The following NTN4 variants were observed in gnomAD, a reference collection of about 807,000 sequenced individuals.
NTN4 encodes netrin 4.
In NTN4, 32 loss-of-function variants were observed where a neutral mutation model predicts 73.6. That is an observed-to-expected ratio of 0.44 (90% CI 0.33 to 0.58). NTN4 has a LOEUF of 0.58. NTN4 is among the 20% of genes least tolerant of loss of function. The pLI, the probability that NTN4 is intolerant of heterozygous loss-of-function variation, is 0.04. For synonymous variants in NTN4, 258 were observed against 287.5 expected, an observed-to-expected ratio of 0.90 and a Z score of 1.04; for missense variants, 654 against 798.3, an observed-to-expected ratio of 0.82 and a Z score of 2.18.
intron 5 of NTN4, 136 bp downstream of exon 5, chr12:95,710,305 G>T: frequency 1.6e-6 from 1 of 632,398 alleles, no homozygotes; most frequent in Non-Finnish European, 2.6e-6. Context: ...TATCAATGAA[G>T]AAATTAACCG....
Position 95,789,425 on chromosome 12 carries a change from C to T in NTN4, c.55+830G>A, listed in dbSNP as rs994917786. On this transcript the variant is annotated intron_variant, in intron 1 of 9. Transcript: ENST00000343702. The surrounding 1 kb of genome is among the most constrained non-coding windows in gnomAD (Gnocchi z 4.0). ...CCCCTCACCTACAGGGCTGCGCTTACGCCTAACTGGAAACCAGGTGACCCG... is the reference window on the plus strand; with the variant it reads ...CCCCTCACCTACAGGGCTGCGCTTATGCCTAACTGGAAACCAGGTGACCCG... 1.3e-5 allele frequency among the ~76,000 whole-genome samples: 2 copies of T among 152,210 alleles called. No individual in the cohort carries two copies. Among genetic ancestry groups the T allele is most frequent in the African/African-American group, 2.4e-5 (1 of 41,454 alleles).
chr12:95,719,112 T>C (rs1032135290), intron 3 of NTN4, among the ~76,000 whole-genome samples: 1 of 152,170 alleles, frequency 6.6e-6, no homozygotes, highest in Non-Finnish European at 1.5e-5. Flanking sequence ...GATCATGTCC[T>C]ACTAAAAATT....
chr12:95,750,470 A>AC (rs2078898025), intron 2 of NTN4, among the ~76,000 whole-genome samples: 1 of 152,070 alleles, frequency 6.6e-6, no homozygotes, highest in Non-Finnish European at 1.5e-5. Flanking sequence ...ATGCCACTTG[A>AC]CCCCAATACA....
chr12:95,706,256 A>C (rs1304347892), intron 5 of NTN4, among the ~76,000 whole-genome samples: 1 of 151,760 alleles, frequency 6.6e-6, no homozygotes, highest in Non-Finnish European at 1.5e-5. Context: ...ATTTAGTAAG[A>C]ATATGAGCCA....
intron 9 of NTN4, among the ~76,000 whole-genome samples, chr12:95,660,118 ATTCTTGTGCCTCGGC>A (rs1383712049): frequency 6.6e-6 from 1 of 152,066 alleles, no homozygotes; most frequent in Non-Finnish European, 1.5e-5. Context: ...GGTTTAAGCA[ATTCTTGTGCCTCGGC>A]TTCCCAAATA....
At chr12:95,753,260 T>C (rs927624941) in intron 2 of NTN4, among the ~76,000 whole-genome samples, 2 of 151,388 alleles carry the variant, frequency 1.3e-5, no homozygotes, top group South Asian at 2.1e-4. Context: ...TGGAAATCTA[T>C]CCTCAAGGAA....
At chr12:95,732,234 CTTTCTCTG>C (rs896381778) in intron 3 of NTN4, among the ~76,000 whole-genome samples, 30 of 135,068 alleles carry the variant, frequency 2.2e-4, no homozygotes, top group East Asian at 8.1e-4. Context: ...CTCTTTCTTT[CTTTCTCTG>C]TCTTTCTTTC....
At chr12:95,739,015 A>G (rs190660819) in intron 2 of NTN4, among the ~76,000 whole-genome samples, 2 of 152,324 alleles carry the variant, frequency 1.3e-5, no homozygotes, top group East Asian at 3.9e-4. Flanking sequence ...TTCTGTTCTT[A>G]GTACTTATCA....
intron 2 of NTN4, among the ~76,000 whole-genome samples, chr12:95,756,882 C>T (rs1002104823): frequency 6.6e-6 from 1 of 151,952 alleles, no homozygotes; most frequent in Non-Finnish European, 1.5e-5. Context: ...TCTGTCATTG[C>T]CACCCATTCC....
intron 2 of NTN4, among the ~76,000 whole-genome samples, chr12:95,766,132 C>A (rs916194770): frequency 2.0e-5 from 3 of 152,182 alleles, no homozygotes; most frequent in Non-Finnish European, 4.4e-5. Flanking sequence ...AGTTAAGTGA[C>A]ATCCTTATGT....
chr12:95,786,396 T>A (rs2079167702), intron 2 of NTN4, among the ~76,000 whole-genome samples: 1 of 152,232 alleles, frequency 6.6e-6, no homozygotes, highest in Non-Finnish European at 1.5e-5. Flanking sequence ...GAGTTTAAGA[T>A]GGCCTAAGCT....
At position 95,670,087 on chromosome 12, in the gene NTN4, A is replaced by AT; in HGVS notation, c.1569dup (p.Tyr524IlefsTer14). The AT allele has an allele frequency of 6.3e-7, 1 of 1,588,944 alleles. No individual in the cohort carries two copies. Among genetic ancestry groups the AT allele is most frequent in the Non-Finnish European group, 8.6e-7 (1 of 1,164,132 alleles). On this transcript the variant is annotated frameshift_variant, in exon 8 of 10. Coordinates refer to ENST00000343702, the MANE Select transcript of NTN4 (RefSeq NM_021229.4). LOFTEE classifies it high-confidence loss of function. ...AGGATTTCAGACTCACCATATGAAT[A>AT]TTTCATTCCACAGAATGCCTTGGCA...
chr12:95,714,219 T>C (rs372193561), intron 3 of NTN4, among the ~76,000 whole-genome samples: 1 of 152,164 alleles, frequency 6.6e-6, no homozygotes, highest in East Asian at 1.9e-4. Context: ...TAAAAATTAA[T>C]GTTTGGAATC....
At chr12:95,764,530 C>T (rs1017257064) in intron 2 of NTN4, among the ~76,000 whole-genome samples, 1 of 151,936 alleles carries the variant, frequency 6.6e-6, no homozygotes, top group Non-Finnish European at 1.5e-5. Context: ...CTGTGCATGG[C>T]GTCAGGCACC....
At chr12:95,674,760 A>T (rs2078260252) in intron 7 of NTN4, among the ~76,000 whole-genome samples, 1 of 152,198 alleles carries the variant, frequency 6.6e-6, no homozygotes, top group South Asian at 2.1e-4. Flanking sequence ...ACCATTCTAT[A>T]CCCAATGCAG....
intron 9 of NTN4, among the ~76,000 whole-genome samples, chr12:95,663,881 A>G (rs927328636): frequency 6.6e-6 from 1 of 152,160 alleles, no homozygotes; most frequent in Non-Finnish European, 1.5e-5. Flanking sequence ...ATGTCTCACT[A>G]AACTGGGCAG....
At chr12:95,683,749 T>G (rs1565883044) in intron 5 of NTN4, 38 bp from the exon 6 acceptor site, 1 of 1,508,048 alleles carries the variant, frequency 6.6e-7, no homozygotes. Context: ...AAAGACTGAC[T>G]GTAGATCACC....
intron 2 of NTN4, among the ~76,000 whole-genome samples, chr12:95,746,991 G>GT (rs1335713848): frequency 1.3e-5 from 2 of 152,174 alleles, no homozygotes; most frequent in Admixed American, 1.3e-4. Flanking sequence ...GAAGTGACAT[G>GT]TAAAAACCCA....
Position 95,790,434 on chromosome 12 carries a change from G to C in NTN4, c.-125C>G. On this transcript the variant is annotated 5_prime_UTR_variant, in exon 1 of 10. Coordinates refer to ENST00000343702, the MANE Select transcript of NTN4 (RefSeq NM_021229.4). This position sits in a 1 kb window ranked among gnomAD's most constrained non-coding sequence, Gnocchi z 6.5. ...GGGCCCTGGTTTCTTCCTCCTCCTGGGGCGCCGGGCTCGGTCAGCGGTCGC... is the reference window on the plus strand; with the variant it reads ...GGGCCCTGGTTTCTTCCTCCTCCTGCGGCGCCGGGCTCGGTCAGCGGTCGC... 1.3e-6 allele frequency: 1 copy of C among 794,686 alleles called. No homozygotes were observed. Among genetic ancestry groups the C allele is most frequent in the South Asian group, 2.4e-5 (1 of 41,278 alleles). 49.2% of individuals were successfully genotyped at this position (794,686 alleles called of 1,614,324 possible). A position where few individuals can be genotyped will look rare whatever the true frequency, so the allele number is the denominator to read the frequency against.
Sources: allele counts gnomAD v4.1 joint callset (sites outside exome capture counted in the v4.1 genomes callset), GRCh38; gene constraint gnomAD v4.1.1; non-coding constraint Gnocchi (gnomAD v3.1); transcripts MANE v1.5; gene names NCBI Gene and HGNC (gene_info 2026-07-23, HGNC 2026-07-21).